Variants in SHISA6 observed in about 807,000 individuals in gnomAD.
SHISA6 encodes shisa family member 6.
A neutral mutation model predicts 47.9 loss-of-function variants in SHISA6; 22 were observed. The ratio of observed to expected loss-of-function variants is 0.46; its 90% CI spans 0.33 to 0.66. The LOEUF (loss-of-function observed/expected upper bound fraction) is 0.66, where lower values mean the gene tolerates loss of function less well. Ranked by LOEUF, SHISA6 falls within the 30% of genes least tolerant of loss-of-function variation. The pLI is 0.02. For synonymous variants in SHISA6, 388 were observed against 337.8 expected (o/e 1.15, Z -1.63); for missense variants, 680 against 764.6 (o/e 0.89, Z 1.30).
chr17:11,524,476 C>A (rs886530405), intron 3 of SHISA6, among the ~76,000 whole-genome samples: 1 of 150,866 alleles, frequency 6.6e-6, no homozygotes, highest in African/African-American at 2.4e-5. Flanking sequence ...TCCATAATTT[C>A]TTTTCTTTTT....
At chr17:11,267,172 A>G (rs945957786) in intron 2 of SHISA6, among the ~76,000 whole-genome samples, 1 of 152,200 alleles carries the variant, frequency 6.6e-6, no homozygotes, top group African/African-American at 2.4e-5. Flanking sequence ...AGATTGCCCC[A>G]TAAGGAACAC....
chr17:11,497,927 G>T (rs2071421659), intron 3 of SHISA6, among the ~76,000 whole-genome samples: 1 of 152,154 alleles, frequency 6.6e-6, no homozygotes, highest in Admixed American at 6.5e-5. Flanking sequence ...CCTACTCCTG[G>T]CTTGGAGGTG....
At position 11,311,862 on chromosome 17, in the gene SHISA6, G is replaced by A. The variant is rs375163428; in HGVS notation, c.799+48336G>A. 3.3e-5 allele frequency among the ~76,000 whole-genome samples: 5 copies of A among 152,012 alleles called. No homozygotes were observed. In the South Asian group the frequency reaches 8.3e-4, roughly 25 times the overall value. ...GCGATCTTGGCTCACTGCAAACTCC[G>A]TCTGCCGGGTTCAAGCGATTCTTCT... On this transcript the variant is annotated intron_variant, in intron 2 of 5. Coordinates refer to ENST00000441885, the MANE Select transcript of SHISA6 (RefSeq NM_207386.4).
chr17:11,332,511 A>G (rs1265276570), intron 2 of SHISA6, among the ~76,000 whole-genome samples: 1 of 152,144 alleles, frequency 6.6e-6, no homozygotes, highest in Non-Finnish European at 1.5e-5. Context: ...TCAGTCGTAA[A>G]ATAAACACAC....
At chr17:11,252,377 C>T (rs1296496970) in intron 1 of SHISA6, among the ~76,000 whole-genome samples, 1 of 152,170 alleles carries the variant, frequency 6.6e-6, no homozygotes, top group East Asian at 1.9e-4. Context: ...TTCGTTGTTC[C>T]CTTAGCCAAA....
intron 2 of SHISA6, among the ~76,000 whole-genome samples, chr17:11,276,366 A>T (rs1908892724): frequency 6.6e-6 from 1 of 151,966 alleles, no homozygotes; most frequent in Non-Finnish European, 1.5e-5. Flanking sequence ...TGGGAGGGAG[A>T]TGGGACTTGG....
intron 3 of SHISA6, among the ~76,000 whole-genome samples, chr17:11,406,553 T>C (rs142018054): frequency 2.9e-4 from 44 of 152,306 alleles, no homozygotes; most frequent in African/African-American, 1.1e-3. Flanking sequence ...CTATAATCCT[T>C]AGCACGTTGT....
intron 3 of SHISA6, among the ~76,000 whole-genome samples, chr17:11,394,321 C>T (rs958055921): frequency 1.3e-4 from 20 of 152,140 alleles, no homozygotes; most frequent in African/African-American, 3.9e-4. Flanking sequence ...TCTGCACCTC[C>T]GTACCTGTAA....
At chr17:11,301,132 T>C (rs1909912622) in intron 2 of SHISA6, among the ~76,000 whole-genome samples, 1 of 152,128 alleles carries the variant, frequency 6.6e-6, no homozygotes, top group Non-Finnish European at 1.5e-5. Flanking sequence ...CTGCCTGTGC[T>C]GAGCCCGGTA....
intron 3 of SHISA6, among the ~76,000 whole-genome samples, chr17:11,485,799 T>C (rs1916335572): frequency 6.6e-6 from 1 of 151,826 alleles, no homozygotes; most frequent in African/African-American, 2.4e-5. Flanking sequence ...TAAATGACTC[T>C]GGATTTGTGT....
intron 1 of SHISA6, among the ~76,000 whole-genome samples, chr17:11,259,359 T>A (rs1481117446): frequency 3.9e-5 from 6 of 152,218 alleles, no homozygotes; most frequent in African/African-American, 1.4e-4. Context: ...GGCACATCCC[T>A]TGTAAGAGCA....
At chr17:11,248,845 A>G (rs1567698806) in intron 1 of SHISA6, among the ~76,000 whole-genome samples, 1 of 152,164 alleles carries the variant, frequency 6.6e-6, no homozygotes, top group Non-Finnish European at 1.5e-5. Context: ...GAAATCTGTC[A>G]TTAAAAATTC....
rs1912268481 is a variant in SHISA6 at position 11,361,145 on chromosome 17, T to A, written c.800-18269T>A. Among the ~76,000 whole-genome samples, 3 of 152,076 alleles carry A rather than the reference T, an allele frequency of 2.0e-5. No individual in the cohort carries two copies. In the South Asian group the frequency reaches 6.2e-4, roughly 31 times the overall value. ...ACGTCATATCTAGTACAAGTTCTCC[T>A]TTATTAAATCTTTTTTCAAAATGTC... is the stretch of plus-strand genomic sequence containing the variant. On this transcript the variant is annotated intron_variant, in intron 2 of 5. Transcript: ENST00000441885.
chr17:11,494,345 C>T (rs973963889), intron 3 of SHISA6, among the ~76,000 whole-genome samples: 2 of 152,186 alleles, frequency 1.3e-5, no homozygotes, highest in Non-Finnish European at 2.9e-5. Flanking sequence ...GCTTGCTGCC[C>T]GAACCTAGCC....
intron 3 of SHISA6, among the ~76,000 whole-genome samples, chr17:11,441,501 A>G (rs770089062): frequency 6.6e-6 from 1 of 152,214 alleles, no homozygotes; most frequent in Non-Finnish European, 1.5e-5. Flanking sequence ...ATGCTTCGTG[A>G]GAACCCAGTG....
At chr17:11,298,319 G>T (rs1909817237) in intron 2 of SHISA6, among the ~76,000 whole-genome samples, 1 of 152,186 alleles carries the variant, frequency 6.6e-6, no homozygotes, top group African/African-American at 2.4e-5. Context: ...AAGAGAGGCT[G>T]CCTGGCCAGA....
intron 3 of SHISA6, among the ~76,000 whole-genome samples, chr17:11,394,757 C>A (rs1275908440): frequency 6.6e-6 from 1 of 151,714 alleles, no homozygotes; most frequent in African/African-American, 2.4e-5. Context: ...TCCTGTATAC[C>A]CTTCGAATTT....
intron 2 of SHISA6, among the ~76,000 whole-genome samples, chr17:11,361,884 G>A (rs1489628267): frequency 2.0e-5 from 3 of 152,064 alleles, no homozygotes; most frequent in Non-Finnish European, 2.9e-5. Context: ...AATTCTATCG[G>A]TACCATAAAG....
At chr17:11,467,393 T>C (rs936638284) in intron 3 of SHISA6, among the ~76,000 whole-genome samples, 1 of 152,232 alleles carries the variant, frequency 6.6e-6, no homozygotes, top group Admixed American at 6.5e-5. Flanking sequence ...ACCTTGATCA[T>C]AGAATGACAA....
Sources: gnomAD v4.1 joint callset for allele counts (sites outside exome capture counted in the v4.1 genomes callset) on GRCh38, gnomAD v4.1.1 for gene constraint, MANE v1.5 for transcripts, NCBI Gene and HGNC (gene_info 2026-07-23, HGNC 2026-07-21) for gene names.